Variants in TP63 observed in about 807,000 individuals in gnomAD.
The protein encoded by TP63 is tumor protein p63.
Under a neutral mutation model 82.8 loss-of-function variants are expected in TP63, and 17 were observed. The ratio of observed to expected loss-of-function variants is 0.21; its 90% CI spans 0.14 to 0.31. The LOEUF (loss-of-function observed/expected upper bound fraction) is 0.31. Among genes scored for constraint, TP63 ranks in the 10% least tolerant of loss-of-function variants. The pLI is 1.00. For missense variants in TP63, 648 were observed against 895.3 expected (o/e 0.72, Z 3.52); for synonymous variants, 330 against 321.7 (o/e 1.03, Z -0.28).
At chr3:189,632,460 G>C (rs536211739) in intron 1 of TP63, among the ~76,000 whole-genome samples, 1 of 152,216 alleles carries the variant, frequency 6.6e-6, no homozygotes, top group Admixed American at 6.5e-5. Context: ...CTGTAGACTA[G>C]TAGAGTGTGA....
At chr3:189,846,523 T>A (rs1050935390) in intron 4 of TP63, among the ~76,000 whole-genome samples, 12 of 151,990 alleles carry the variant, frequency 7.9e-5, no homozygotes, top group African/African-American at 2.7e-4. Context: ...AACAAACTAT[T>A]GAATATATGT....
chr3:189,726,632 T>TA (rs1178844878), intron 1 of TP63, among the ~76,000 whole-genome samples: 4 of 151,994 alleles, frequency 2.6e-5, no homozygotes, highest in African/African-American at 9.7e-5. Context: ...ACAGTTACAA[T>TA]AAAAAAAATC....
intron 1 of TP63, among the ~76,000 whole-genome samples, chr3:189,700,634 G>C (rs1189448430): frequency 6.6e-6 from 1 of 152,120 alleles, no homozygotes; most frequent in East Asian, 1.9e-4. Flanking sequence ...CTGCTGGGTA[G>C]CTATAACACA....
At chr3:189,748,223 A>G (rs1370056474) in intron 3 of TP63, among the ~76,000 whole-genome samples, 2 of 152,060 alleles carry the variant, frequency 1.3e-5, no homozygotes, top group Non-Finnish European at 2.9e-5. Flanking sequence ...AAGAAATAAA[A>G]GGCATGCAGA....
chr3:189,603,543 A>C, the TP63 span, among the ~76,000 whole-genome samples: 2 of 151,538 alleles, frequency 1.3e-5, no homozygotes, highest in East Asian at 1.9e-4. Context: ...ACAGTGGCTC[A>C]AACTAAGTTC....
At position 189,845,341 on chromosome 3, in the gene TP63, G is replaced by A. The variant is rs116124345; in HGVS notation, c.580-18891G>A. 5.0e-3 allele frequency among the ~76,000 whole-genome samples: 756 copies of A among 152,224 alleles called. 7 individuals are homozygous for A. Among genetic ancestry groups the A allele is most frequent in the African/African-American group, 0.017 (721 of 41,514 alleles). On this transcript the variant is annotated intron_variant, in intron 4 of 13. Coordinates refer to ENST00000264731, the MANE Select transcript of TP63 (RefSeq NM_003722.5). The stretch of plus-strand genomic sequence containing the variant: ...CCTCAATGTCCTTGATAGGTTCTTG[G>A]TAAACTGCGACCTTAAACAAAATGA...
chr3:189,741,334 TA>T (rs1720971911), intron 3 of TP63, among the ~76,000 whole-genome samples: 1 of 152,168 alleles, frequency 6.6e-6, no homozygotes, highest in African/African-American at 2.4e-5. Flanking sequence ...TGGAGTTGGA[TA>T]ACAAGAATGG....
chr3:189,687,466 A>C (rs1716539481), intron 1 of TP63, among the ~76,000 whole-genome samples: 1 of 152,204 alleles, frequency 6.6e-6, no homozygotes, highest in African/African-American at 2.4e-5. Flanking sequence ...TGATAACTTT[A>C]CAGCCCTGCC....
intron 4 of TP63, among the ~76,000 whole-genome samples, chr3:189,832,477 A>G (rs988800555): frequency 3.3e-5 from 5 of 152,264 alleles, no homozygotes; most frequent in Non-Finnish European, 7.3e-5. Context: ...CCTAAAAGTT[A>G]CAACAGTGAC....
chr3:189,813,865 T>C (rs1341991286), intron 4 of TP63, among the ~76,000 whole-genome samples: 1 of 152,208 alleles, frequency 6.6e-6, no homozygotes, highest in Non-Finnish European at 1.5e-5. Context: ...CTCTGATTGT[T>C]AACTGCCCGT....
At chr3:189,817,410 A>T (rs1473224893) in intron 4 of TP63, among the ~76,000 whole-genome samples, 2 of 152,158 alleles carry the variant, frequency 1.3e-5, no homozygotes, top group Admixed American at 6.5e-5. Context: ...TGGGGTACTA[A>T]CAAGCTATAT....
rs536841799 is a variant in TP63, at chr3:189,680,549, A to G, written c.62+48972A>G. ...AAAATTCTCAACAAAATACAAGCAAACCAAATTCAACAACACATTAAAAGC... is the reference window on the plus strand; with the variant it reads ...AAAATTCTCAACAAAATACAAGCAAGCCAAATTCAACAACACATTAAAAGC... On this transcript the variant is annotated intron_variant, in intron 1 of 13. Coordinates refer to ENST00000264731, the MANE Select transcript of TP63 (RefSeq NM_003722.5). Among the ~76,000 whole-genome samples the G allele has an allele frequency of 5.3e-5, 8 of 152,310 alleles. No homozygotes were observed. In the East Asian group the frequency reaches 1.5e-3, roughly 29 times the overall value.
At chr3:189,775,157 T>C (rs1423550509) in intron 3 of TP63, among the ~76,000 whole-genome samples, 2 of 141,876 alleles carry the variant, frequency 1.4e-5, no homozygotes, top group African/African-American at 5.3e-5. Context: ...GAGGCGGAGG[T>C]TGTGGTGAGC....
intron 10 of TP63, chr3:189,880,940 CTGT>C (rs1719843839): frequency 1.0e-6 from 1 of 985,358 alleles, no homozygotes; most frequent in Non-Finnish European, 1.2e-6. Context: ...TACAAAAAAA[CTGT>C]TGTTTGGCCC....
At chr3:189,721,882 G>A (rs945496018) in intron 1 of TP63, among the ~76,000 whole-genome samples, 2 of 152,274 alleles carry the variant, frequency 1.3e-5, no homozygotes, top group South Asian at 2.1e-4. Context: ...ATTGAACTGG[G>A]GTAGTGCCCA....
intron 4 of TP63, among the ~76,000 whole-genome samples, chr3:189,833,750 T>C (rs73889839): frequency 0.018 from 2,769 of 152,172 alleles, 92 homozygotes; most frequent in African/African-American, 0.063. Context: ...CTTGAAAACA[T>C]TTAATTAAGA....
chr3:189,674,913 A>G (rs1459101311), intron 1 of TP63, among the ~76,000 whole-genome samples: 27 of 152,212 alleles, frequency 1.8e-4, no homozygotes, highest in Non-Finnish European at 2.9e-4. Flanking sequence ...TCTTCACTCT[A>G]CTAATGCTGA....
At chr3:189,676,140 A>G (rs1715376697) in intron 1 of TP63, among the ~76,000 whole-genome samples, 1 of 152,236 alleles carries the variant, frequency 6.6e-6, no homozygotes. Flanking sequence ...CCATCTCCTC[A>G]TATACTTACC....
chr3:189,881,793 T>A (rs185650039), intron 10 of TP63, among the ~76,000 whole-genome samples: 72 of 152,278 alleles, frequency 4.7e-4, no homozygotes, highest in African/African-American at 1.7e-3. Context: ...ATAGAATCAT[T>A]TATTGACATT....
Sources: allele counts gnomAD v4.1 joint callset (sites outside exome capture counted in the v4.1 genomes callset), GRCh38; gene constraint gnomAD v4.1.1; transcripts MANE v1.5; gene names NCBI Gene and HGNC (gene_info 2026-07-23, HGNC 2026-07-21).